TANC2: variants seen among roughly 807,000 people sequenced by gnomAD.
The protein encoded by TANC2 is protein TANC2.
TANC2 carries 26 observed loss-of-function variants against 210.5 expected under a neutral mutation model. The observed-to-expected ratio is 0.12, with a 90% CI of 0.09 to 0.17. TANC2 has a LOEUF of 0.17. TANC2 is among the 10% of genes least tolerant of loss of function. The probability of loss-of-function intolerance (pLI) is 1.00; values close to 1 mark genes in which losing one functional copy is unlikely to be tolerated. For missense variants in TANC2, 2,129 were observed against 2,608.9 expected (o/e 0.82, Z 4.01); for synonymous variants, 931 against 967.1 (o/e 0.96, Z 0.69).
At chr17:63,417,318 G>A (rs1252458415) in intron 26 of TANC2, among the ~76,000 whole-genome samples, 12 of 152,150 alleles carry the variant, frequency 7.9e-5, no homozygotes, top group Admixed American at 7.9e-4. Flanking sequence ...AGGCTACCAT[G>A]CTATACTGTG....
chr17:63,123,668 T>C (rs2038579564), intron 4 of TANC2, among the ~76,000 whole-genome samples: 1 of 150,036 alleles, frequency 6.7e-6, no homozygotes, highest in Non-Finnish European at 1.5e-5. Flanking sequence ...GTTAAAACTG[T>C]AGAGTAGGTA....
intron 1 of TANC2, among the ~76,000 whole-genome samples, chr17:62,985,083 C>T (rs896031960): frequency 2.0e-5 from 3 of 152,272 alleles, no homozygotes; most frequent in Middle Eastern, 6.8e-3. Context: ...TTGATAAATT[C>T]CCATAGTTTT....
chr17:62,986,316 T>G (rs2032563371), intron 1 of TANC2, among the ~76,000 whole-genome samples: 1 of 152,148 alleles, frequency 6.6e-6, no homozygotes, highest in Non-Finnish European at 1.5e-5. Context: ...TGGGAGCACA[T>G]GCATTTGGCT....
intron 5 of TANC2, among the ~76,000 whole-genome samples, chr17:63,158,812 C>G (rs139792078): frequency 1.3e-5 from 2 of 152,200 alleles, no homozygotes; most frequent in African/African-American, 2.4e-5. Flanking sequence ...TTCTGTGGCT[C>G]TCACAGGTTG....
At chr17:63,304,246 T>C (rs541913888) in intron 9 of TANC2, among the ~76,000 whole-genome samples, 1 of 152,292 alleles carries the variant, frequency 6.6e-6, no homozygotes, top group African/African-American at 2.4e-5. Context: ...CTTTGAGGCT[T>C]CTGACCCTTA....
At chr17:63,170,193 C>T (rs1301683294) in intron 5 of TANC2, among the ~76,000 whole-genome samples, 1 of 150,746 alleles carries the variant, frequency 6.6e-6, no homozygotes, top group African/African-American at 2.4e-5. Flanking sequence ...TTTGGGAGGC[C>T]GAGGCGGGCA....
intron 2 of TANC2, among the ~76,000 whole-genome samples, chr17:63,054,044 G>A (rs1212245953): frequency 6.6e-6 from 1 of 152,110 alleles, no homozygotes; most frequent in Non-Finnish European, 1.5e-5. Flanking sequence ...CAGTTTTAAA[G>A]CCAGACAATT....
intron 5 of TANC2, among the ~76,000 whole-genome samples, chr17:63,188,378 G>T (rs1466920615): frequency 6.6e-6 from 1 of 151,908 alleles, no homozygotes; most frequent in Non-Finnish European, 1.5e-5. Flanking sequence ...CAGATCATGA[G>T]GTCAAGAGAT....
At chr17:63,145,173 A>T (rs1271469453) in intron 4 of TANC2, among the ~76,000 whole-genome samples, 1 of 152,150 alleles carries the variant, frequency 6.6e-6, no homozygotes, top group Non-Finnish European at 1.5e-5. Context: ...AAGCACAATC[A>T]TGAGAAATAG....
intron 2 of TANC2, 121 bp downstream of exon 2, chr17:63,009,747 C>A: frequency 4.9e-6 from 4 of 823,910 alleles, no homozygotes; most frequent in Non-Finnish European, 7.7e-6. Flanking sequence ...AGAAAGTTTA[C>A]ATTTCTTTGG....
chr17:63,211,729 A>C (rs1235742648), intron 7 of TANC2, among the ~76,000 whole-genome samples: 1 of 152,198 alleles, frequency 6.6e-6, no homozygotes, highest in East Asian at 1.9e-4. Context: ...GTTAGCAGAA[A>C]CTGCCATGTT....
intron 7 of TANC2, 108 bp downstream of exon 7, chr17:63,201,065 T>A: frequency 1.0e-6 from 1 of 952,570 alleles, no homozygotes; most frequent in Non-Finnish European, 1.5e-6. Context: ...TTGAGATGTA[T>A]ATATAAAACT....
At chr17:63,306,108 C>T (rs2044895418) in intron 9 of TANC2, among the ~76,000 whole-genome samples, 1 of 152,152 alleles carries the variant, frequency 6.6e-6, no homozygotes, top group Non-Finnish European at 1.5e-5. Flanking sequence ...AACGGAGTGA[C>T]TGAGGCAGGA....
At chr17:63,198,454 C>T (rs1234904414) in intron 6 of TANC2, among the ~76,000 whole-genome samples, 1 of 152,152 alleles carries the variant, frequency 6.6e-6, no homozygotes, top group East Asian at 1.9e-4. Flanking sequence ...CTCAAGCCTC[C>T]CAAAGTGCTG....
intron 5 of TANC2, among the ~76,000 whole-genome samples, chr17:63,165,115 C>T (rs2040168042): frequency 6.6e-6 from 1 of 151,848 alleles, no homozygotes; most frequent in South Asian, 2.1e-4. Flanking sequence ...AGACCCACCC[C>T]TCTACAAAAA....
At chr17:62,969,506 A>G (rs2031565055) in intron 1 of TANC2, among the ~76,000 whole-genome samples, 1 of 152,254 alleles carries the variant, frequency 6.6e-6, no homozygotes. Flanking sequence ...AAGTCTGCAT[A>G]TATACAAAAG....
chr17:63,143,661 T>G (rs1018441365), intron 4 of TANC2, among the ~76,000 whole-genome samples: 3 of 152,186 alleles, frequency 2.0e-5, no homozygotes, highest in African/African-American at 7.2e-5. Flanking sequence ...TCCATTATTT[T>G]TGCTATTTCT....
chr17:63,025,810 A>ATTAAAT (rs1323508992), intron 2 of TANC2, among the ~76,000 whole-genome samples: 124 of 121,622 alleles, frequency 1.0e-3, no homozygotes, highest in African/African-American at 1.2e-3. Context: ...ATAAAATAAA[A>ATTAAAT]TAAAATTAAA....
intron 1 of TANC2, among the ~76,000 whole-genome samples, chr17:62,993,961 A>G (rs940017862): frequency 2.6e-5 from 4 of 152,116 alleles, no homozygotes; most frequent in Non-Finnish European, 5.9e-5. Context: ...TTTAATGTGT[A>G]TCTTGTGTCC....
Sources: allele counts gnomAD v4.1 joint callset (sites outside exome capture counted in the v4.1 genomes callset), GRCh38; gene constraint gnomAD v4.1.1; transcripts MANE v1.5; gene names NCBI Gene and HGNC (gene_info 2026-07-23, HGNC 2026-07-21).